Variants in VPS13B observed in about 807,000 individuals in gnomAD.
VPS13B encodes intermembrane lipid transfer protein VPS13B.
Under a neutral mutation model 426.4 loss-of-function variants are expected in VPS13B, and 285 were observed. The observed-to-expected ratio is 0.67, with a 90% CI of 0.61 to 0.74. The LOEUF is 0.74. Ranked by LOEUF, VPS13B falls within the 30% of genes least tolerant of loss-of-function variation. The pLI is 0.00. For missense variants in VPS13B, 4,537 were observed against 4,782.6 expected, an observed-to-expected ratio of 0.95 and a Z score of 1.51; for synonymous variants, 1,676 against 1,676.4, an observed-to-expected ratio of 1.00 and a Z score of 0.01.
intron 25 of VPS13B, among the ~76,000 whole-genome samples, chr8:99,493,387 AT>A (rs1178605320): frequency 1.3e-5 from 2 of 152,188 alleles, no homozygotes; most frequent in African/African-American, 2.4e-5. Flanking sequence ...GTATATTTCC[AT>A]GTTAAAAAAG....
intron 30 of VPS13B, among the ~76,000 whole-genome samples, chr8:99,547,338 T>G (rs1824039484): frequency 6.6e-6 from 1 of 152,068 alleles, no homozygotes; most frequent in Non-Finnish European, 1.5e-5. Context: ...CCCTGTCCTA[T>G]TTACTCTCAA....
chr8:99,761,972 TCTCAA>T (rs1810952800), intron 39 of VPS13B, among the ~76,000 whole-genome samples: 1 of 152,114 alleles, frequency 6.6e-6, no homozygotes, highest in Non-Finnish European at 1.5e-5. Context: ...ATATGCTTTT[TCTCAA>T]CTCATTTGCC....
intron 31 of VPS13B, among the ~76,000 whole-genome samples, chr8:99,575,243 C>G (rs551800668): frequency 1.3e-5 from 2 of 151,930 alleles, no homozygotes; most frequent in African/African-American, 4.8e-5. Flanking sequence ...GCTTATGACC[C>G]TAATGAGGTC....
At chr8:99,791,662 T>C (rs189573707) in intron 43 of VPS13B, among the ~76,000 whole-genome samples, 58 of 136,848 alleles carry the variant, frequency 4.2e-4, no homozygotes, top group African/African-American at 1.4e-3. Flanking sequence ...TTAAATGATA[T>C]AAATGCCTAA....
At chr8:99,552,519 A>T (rs943890727) in intron 30 of VPS13B, among the ~76,000 whole-genome samples, 1 of 151,692 alleles carries the variant, frequency 6.6e-6, no homozygotes. Flanking sequence ...TCATGACTGC[A>T]AAATCTTGGA....
intron 43 of VPS13B, among the ~76,000 whole-genome samples, chr8:99,799,409 C>G (rs950798512): frequency 2.0e-5 from 3 of 152,198 alleles, no homozygotes; most frequent in Non-Finnish European, 2.9e-5. Context: ...ATACCACATT[C>G]CCTTACTGGG....
chr8:99,758,486 A>G (rs1181932367), intron 39 of VPS13B, among the ~76,000 whole-genome samples: 1 of 152,242 alleles, frequency 6.6e-6, no homozygotes, highest in African/African-American at 2.4e-5. Context: ...AGAACGTAGA[A>G]TAAAAGACTG....
chr8:99,416,822 C>T (rs1231597637), intron 21 of VPS13B, among the ~76,000 whole-genome samples: 1 of 152,204 alleles, frequency 6.6e-6, no homozygotes, highest in Non-Finnish European at 1.5e-5. Flanking sequence ...ACCTTCTGCA[C>T]TGATCTCGCT....
chr8:99,201,217 T>C (rs1471667843), intron 17 of VPS13B, among the ~76,000 whole-genome samples: 1 of 151,730 alleles, frequency 6.6e-6, no homozygotes, highest in African/African-American at 2.4e-5. Flanking sequence ...GTATCTGACC[T>C]GAATTAAACT....
intron 30 of VPS13B, chr8:99,536,616 A>G (rs1434437421): frequency 1.9e-6 from 1 of 533,264 alleles, no homozygotes; most frequent in African/African-American, 1.9e-5. Context: ...GGACCCCATT[A>G]TCCTTTAACT....
intron 31 of VPS13B, among the ~76,000 whole-genome samples, chr8:99,569,157 A>G (rs112460738): frequency 1.5e-3 from 230 of 152,172 alleles, no homozygotes; most frequent in African/African-American, 5.0e-3. Context: ...CTGCTCTAGC[A>G]TCTTCCATCT....
intron 19 of VPS13B, among the ~76,000 whole-genome samples, chr8:99,285,205 A>G (rs1490152830): frequency 1.3e-5 from 2 of 152,174 alleles, no homozygotes; most frequent in Non-Finnish European, 2.9e-5. Context: ...CCACATTGAA[A>G]TGTACCCTGG....
At chr8:99,243,304 T>G (rs1817031833) in intron 17 of VPS13B, among the ~76,000 whole-genome samples, 1 of 152,164 alleles carries the variant, frequency 6.6e-6, no homozygotes, top group Non-Finnish European at 1.5e-5. Flanking sequence ...AACACACAGT[T>G]GTATGTTATT....
intron 30 of VPS13B, among the ~76,000 whole-genome samples, chr8:99,535,728 C>T (rs1478336909): frequency 1.3e-5 from 2 of 152,090 alleles, no homozygotes; most frequent in African/African-American, 4.8e-5. Flanking sequence ...CCCCAGAAAC[C>T]TTACTCATTC....
intron 19 of VPS13B, among the ~76,000 whole-genome samples, chr8:99,307,440 C>T (rs1820701900): frequency 6.6e-6 from 1 of 152,000 alleles, no homozygotes; most frequent in African/African-American, 2.4e-5. Context: ...TCAAATGCTT[C>T]CTAAGAAAGA....
At chr8:99,598,077 A>G (rs1563816894) in intron 33 of VPS13B, among the ~76,000 whole-genome samples, 1 of 152,088 alleles carries the variant, frequency 6.6e-6, no homozygotes. Context: ...GGTTAAGTAC[A>G]TACCATGGAG....
intron 8 of VPS13B, among the ~76,000 whole-genome samples, chr8:99,132,192 C>T (rs1188834629): frequency 6.6e-6 from 1 of 151,960 alleles, no homozygotes; most frequent in African/African-American, 2.4e-5. Context: ...CCACTGTGTC[C>T]GGCTTCAGAG....
intron 19 of VPS13B, among the ~76,000 whole-genome samples, chr8:99,365,971 GTTT>G (rs779699463): frequency 3.8e-5 from 5 of 132,192 alleles, no homozygotes; most frequent in Non-Finnish European, 6.7e-5. Flanking sequence ...GTTTTTTGTT[GTTT>G]TTTTTTTTTA....
At chr8:99,802,437 C>T (rs1288675588) in intron 43 of VPS13B, among the ~76,000 whole-genome samples, 1 of 152,120 alleles carries the variant, frequency 6.6e-6, no homozygotes, top group Non-Finnish European at 1.5e-5. Flanking sequence ...CCTCTGTATG[C>T]ATCCTATTAG....
Sources: gnomAD v4.1 joint callset for allele counts (sites outside exome capture counted in the v4.1 genomes callset) on GRCh38, gnomAD v4.1.1 for gene constraint, MANE v1.5 for transcripts, NCBI Gene and HGNC (gene_info 2026-07-23, HGNC 2026-07-21) for gene names.